Variants in IL1RN observed in about 807,000 individuals in gnomAD.
IL1RN encodes the protein interleukin 1 receptor antagonist.
IL1RN carries 10 observed loss-of-function variants against 13.7 expected under a neutral mutation model. The observed-to-expected ratio is 0.73, with a 90% CI of 0.45 to 1.24. IL1RN has a LOEUF of 1.24. Ranked by LOEUF, IL1RN falls within the 50% of genes most tolerant of loss-of-function variation. IL1RN has a pLI of 0.00. For synonymous variants in IL1RN, 102 were observed against 82.7 expected, an observed-to-expected ratio of 1.23 and a Z score of -1.27; for missense variants, 213 against 222.1, an observed-to-expected ratio of 0.96 and a Z score of 0.26.
chr2:113,124,447 C>G (rs1894405), upstream of IL1RN, among the ~76,000 whole-genome samples: 1,667 of 152,214 alleles, frequency 0.011, 15 homozygotes, highest in Middle Eastern at 0.068. Flanking sequence ...CAGCCCCCCC[C>G]CTTTGGAGTC....
intron 2 of IL1RN, among the ~76,000 whole-genome samples, chr2:113,122,501 G>A (rs1686812170): frequency 6.6e-6 from 1 of 152,192 alleles, no homozygotes; most frequent in Non-Finnish European, 1.5e-5. Context: ...CGTGGTGGGA[G>A]TATTATGTCA....
At chr2:113,126,116 C>A (rs1393399271), upstream of IL1RN, among the ~76,000 whole-genome samples, 3 of 152,134 alleles carry the variant, frequency 2.0e-5, no homozygotes, top group Middle Eastern at 3.2e-3. Context: ...ATTTTTGAAA[C>A]ACGTTTGAGA....
the IL1RN span, among the ~76,000 whole-genome samples, chr2:113,101,694 C>T: frequency 6.6e-6 from 1 of 152,150 alleles, no homozygotes; most frequent in Non-Finnish European, 1.5e-5. Context: ...CATGTAGAAA[C>T]CACCGCTCTG....
At chr2:113,120,340 C>CTATG (rs4251988) in intron 2 of IL1RN, among the ~76,000 whole-genome samples, 1,713 of 151,724 alleles carry the variant, frequency 0.011, 13 homozygotes, top group South Asian at 0.025. Flanking sequence ...TGTGATTGCT[C>CTATG]TATGTATGTA....
chr2:113,109,883 G>T (rs751134731), upstream of IL1RN, among the ~76,000 whole-genome samples: 22 of 152,110 alleles, frequency 1.4e-4, no homozygotes, highest in Non-Finnish European at 2.8e-4. Flanking sequence ...CCAAGGTGCT[G>T]TCTTCATCCC....
upstream of IL1RN, among the ~76,000 whole-genome samples, chr2:113,124,126 T>C (rs1356661311): frequency 1.3e-5 from 2 of 152,092 alleles, no homozygotes; most frequent in African/African-American, 4.8e-5. Flanking sequence ...GCTCAGCACA[T>C]GGAAGCCACT....
chr2:113,100,437 A>T, the IL1RN span, among the ~76,000 whole-genome samples: 6 of 152,244 alleles, frequency 3.9e-5, no homozygotes, highest in Non-Finnish European at 8.8e-5. Context: ...GAGAAGCAGC[A>T]AATGACAAGG....
chr2:113,113,598 G>A (rs201196084), upstream of IL1RN, among the ~76,000 whole-genome samples: 1 of 145,254 alleles, frequency 6.9e-6, no homozygotes, highest in African/African-American at 2.5e-5. Flanking sequence ...AATAATAATG[G>A]TAATAATTAA....
At chr2:113,121,402 C>T (rs1686779527) in intron 2 of IL1RN, 1 of 943,314 alleles carries the variant, frequency 1.1e-6, no homozygotes. Flanking sequence ...CACAGTTGTC[C>T]CCTTCCCCAT....
upstream of IL1RN, chr2:113,107,220 G>T (rs1188451969): frequency 6.6e-6 from 1 of 152,150 alleles, no homozygotes; most frequent in Non-Finnish European, 1.5e-5. Context: ...ACAGATCTCA[G>T]AAACACAGCT....
chr2:113,132,553 C>G (rs1175271891), intron 3 of IL1RN, 103 bp from the exon 4 acceptor site: 1 of 1,062,308 alleles, frequency 9.4e-7, no homozygotes, highest in Non-Finnish European at 1.4e-6. Context: ...CCTGTACTAA[C>G]TCTGGGCTGT....
chr2:113,124,346 A>G (rs1252344848), upstream of IL1RN, among the ~76,000 whole-genome samples: 1 of 152,162 alleles, frequency 6.6e-6, no homozygotes, highest in East Asian at 1.9e-4. Flanking sequence ...ATAAGACGAA[A>G]CCAAGAGTGG....
chr2:113,130,137 C>A, intron 2 of IL1RN: 1 of 182,316 alleles, frequency 5.5e-6, no homozygotes, highest in Admixed American at 5.4e-5. Context: ...TTCACCCACT[C>A]TGTTCCTCAG....
intron 1 of IL1RN, among the ~76,000 whole-genome samples, chr2:113,127,951 G>T (rs910469146): frequency 1.3e-5 from 2 of 152,238 alleles, no homozygotes; most frequent in African/African-American, 2.4e-5. Context: ...GCGACCGGAG[G>T]GCTGTCTTAC....
At chr2:113,112,097 G>C (rs1280095640) in intron 1 of IL1RN, among the ~76,000 whole-genome samples, 1 of 152,206 alleles carries the variant, frequency 6.6e-6, no homozygotes, top group African/African-American at 2.4e-5. Context: ...AGCACAGAGA[G>C]GTTTGTAGGC....
At chr2:113,122,436 A>G (rs1378101152) in intron 2 of IL1RN, among the ~76,000 whole-genome samples, 2 of 152,170 alleles carry the variant, frequency 1.3e-5, no homozygotes, top group Admixed American at 6.5e-5. Context: ...CCAATGGTGT[A>G]TATGTCTCCC....
upstream of IL1RN, among the ~76,000 whole-genome samples, chr2:113,109,825 T>G (rs1191805653): frequency 6.6e-6 from 1 of 151,678 alleles, no homozygotes. Context: ...TCAGCTGACA[T>G]GCACTTACCA....
chr2:113,118,022 G>T lies in IL1RN; in HGVS notation c.4G>T (p.Ala2Ser). The change falls in exon 1 of 6, where the codon GCT becomes TCT. Residue 2 changes from alanine to serine, a missense_variant. Ala to Ser is a moderately conservative substitution (Grantham distance 99). Transcript: ENST00000259206. Reference sequence around the variant, plus strand: ...CCTGTCCTATGAGGCCCTCCCCATGGCTTTAGGTAAGCTCCTTCCACTCTC... The same window carrying T: ...CCTGTCCTATGAGGCCCTCCCCATGTCTTTAGGTAAGCTCCTTCCACTCTC... 3 of 1,598,308 alleles carry T rather than the reference G, an allele frequency of 1.9e-6. No homozygotes were observed. The highest frequency in any genetic ancestry group is 3.3e-4 in the Middle Eastern group (2 of 6,028).
upstream of IL1RN, among the ~76,000 whole-genome samples, chr2:113,102,341 AC>A (rs1483887748): frequency 6.6e-6 from 1 of 152,086 alleles, no homozygotes; most frequent in Non-Finnish European, 1.5e-5. Flanking sequence ...TTAGGGCCCC[AC>A]CCTTATTTAA....
Sources: allele counts gnomAD v4.1 joint callset (sites outside exome capture counted in the v4.1 genomes callset), GRCh38; gene constraint gnomAD v4.1.1; transcripts MANE v1.5; gene names NCBI Gene and HGNC (gene_info 2026-07-23, HGNC 2026-07-21).